The following SLC9A9 variants were observed in gnomAD, a reference collection of about 807,000 sequenced individuals.
SLC9A9 encodes sodium/hydrogen exchanger 9.
SLC9A9 carries 62 observed loss-of-function variants against 77.8 expected under a neutral mutation model. The observed-to-expected ratio is 0.80, with a 90% CI of 0.65 to 0.98. SLC9A9 has a LOEUF of 0.98. Ranked by LOEUF, SLC9A9 falls within the 50% of genes least tolerant of loss-of-function variation. SLC9A9 has a pLI of 0.00. For missense variants in SLC9A9, 775 were observed against 774.9 expected (o/e 1.00, Z 0.00); for synonymous variants, 320 against 283.5 (o/e 1.13, Z -1.29).
intron 14 of SLC9A9, among the ~76,000 whole-genome samples, chr3:143,344,879 G>T (rs1240955702): frequency 6.6e-6 from 1 of 152,002 alleles, no homozygotes; most frequent in Non-Finnish European, 1.5e-5. Flanking sequence ...GTGTTATGTA[G>T]TTCTTTAAAA....
chr3:143,309,278 C>G (rs1192845335), intron 14 of SLC9A9, among the ~76,000 whole-genome samples: 1 of 152,132 alleles, frequency 6.6e-6, no homozygotes, highest in Non-Finnish European at 1.5e-5. Context: ...ATGGGATAGG[C>G]AGATGGTAGG....
At chr3:143,734,972 T>G (rs2108812713) in intron 4 of SLC9A9, among the ~76,000 whole-genome samples, 1 of 152,290 alleles carries the variant, frequency 6.6e-6, no homozygotes, top group East Asian at 1.9e-4. Context: ...GCACTTTGAT[T>G]GAGATACATT....
At position 143,799,352 on chromosome 3, in the gene SLC9A9, C is replaced by T. The variant is rs150758703; in HGVS notation, c.379-2449G>A. Among the ~76,000 whole-genome samples, 1,159 of 152,274 alleles carry T rather than the reference C, an allele frequency of 7.6e-3. 44 individuals are homozygous for T. Among genetic ancestry groups the T allele is most frequent in the Admixed American group, 0.06 (913 of 15,292 alleles). On this transcript the variant is annotated intron_variant, in intron 2 of 15. Coordinates refer to ENST00000316549, the MANE Select transcript of SLC9A9 (RefSeq NM_173653.4). ...GAAAATTAAATTCCAGCTCTCACAC[C>T]CCACAACAGGACTTAATTAACCACG... is the stretch of plus-strand genomic sequence containing the variant.
At chr3:143,452,187 G>A (rs964846274) in intron 12 of SLC9A9, among the ~76,000 whole-genome samples, 86 of 151,946 alleles carry the variant, frequency 5.7e-4, no homozygotes, top group African/African-American at 2.0e-3. Flanking sequence ...AATTACAAAG[G>A]TAAAAATATA....
intron 14 of SLC9A9, among the ~76,000 whole-genome samples, chr3:143,333,170 G>T (rs2031826476): frequency 1.3e-5 from 2 of 152,014 alleles, no homozygotes; most frequent in Admixed American, 6.5e-5. Context: ...TTGCACAATT[G>T]TCCTGCCTAT....
intron 11 of SLC9A9, among the ~76,000 whole-genome samples, chr3:143,477,905 TC>T (rs987318981): frequency 6.6e-6 from 1 of 152,176 alleles, no homozygotes; most frequent in Non-Finnish European, 1.5e-5. Flanking sequence ...TCCTTCGGCT[TC>T]CCTAGGCAAA....
chr3:143,769,139 A>G (rs1224990985), intron 4 of SLC9A9, among the ~76,000 whole-genome samples: 2 of 152,196 alleles, frequency 1.3e-5, no homozygotes, highest in African/African-American at 4.8e-5. Flanking sequence ...GATACATAGT[A>G]TTATAGATAG....
intron 12 of SLC9A9, among the ~76,000 whole-genome samples, chr3:143,459,790 A>G (rs2035158604): frequency 6.6e-6 from 1 of 152,056 alleles, no homozygotes; most frequent in South Asian, 2.1e-4. Flanking sequence ...ATTTTCCCAC[A>G]GTGCTGCATA....
At chr3:143,398,116 A>T (rs1051708350) in intron 12 of SLC9A9, among the ~76,000 whole-genome samples, 2 of 152,074 alleles carry the variant, frequency 1.3e-5, no homozygotes, top group African/African-American at 4.8e-5. Flanking sequence ...CCACCACCTT[A>T]CCACCACATT....
intron 14 of SLC9A9, among the ~76,000 whole-genome samples, chr3:143,355,898 T>G (rs971027699): frequency 2.6e-5 from 4 of 152,226 alleles, no homozygotes; most frequent in African/African-American, 9.6e-5. Flanking sequence ...ACCTTCTGAT[T>G]TCTTATTTGT....
intron 11 of SLC9A9, among the ~76,000 whole-genome samples, chr3:143,492,287 G>C (rs1339837869): frequency 7.8e-6 from 1 of 128,010 alleles, no homozygotes; most frequent in African/African-American, 3.0e-5. Context: ...GCGAGACTCC[G>C]TCTCAAAAAA....
intron 4 of SLC9A9, among the ~76,000 whole-genome samples, chr3:143,702,240 A>G (rs930936778): frequency 6.6e-6 from 1 of 152,190 alleles, no homozygotes; most frequent in African/African-American, 2.4e-5. Context: ...CTCACTGGTA[A>G]TAGTAAGTAC....
chr3:143,524,806 T>C lies in SLC9A9; in HGVS notation c.1089+27556A>G, dbSNP rs146616525. ...ATGGATTAATGTCTATTTTTCAAGA[T>C]TGGGTTAGTTCTCATGAGAATACGT... On this transcript the variant is annotated intron_variant, in intron 9 of 15. Coordinates refer to ENST00000316549, the MANE Select transcript of SLC9A9 (RefSeq NM_173653.4). Among the ~76,000 whole-genome samples, 234 of 152,294 alleles carry C rather than the reference T, an allele frequency of 1.5e-3. 3 individuals carry two copies. The highest frequency in any genetic ancestry group is 5.3e-3 in the African/African-American group (221 of 41,556).
At chr3:143,695,500 G>A (rs1933609966) in intron 4 of SLC9A9, among the ~76,000 whole-genome samples, 1 of 152,074 alleles carries the variant, frequency 6.6e-6, no homozygotes, top group Non-Finnish European at 1.5e-5. Flanking sequence ...CCATGTCCCT[G>A]CAAGGGACAT....
intron 12 of SLC9A9, among the ~76,000 whole-genome samples, chr3:143,408,349 T>C (rs74431195): frequency 0.059 from 9,027 of 152,244 alleles, 405 homozygotes; most frequent in African/African-American, 0.12. Flanking sequence ...CCAAAGGCCC[T>C]AGGTTCTGCT....
chr3:143,656,815 G>GA (rs1410368928), intron 5 of SLC9A9, among the ~76,000 whole-genome samples: 1 of 152,172 alleles, frequency 6.6e-6, no homozygotes, highest in Admixed American at 6.5e-5. Flanking sequence ...AAAAACATCT[G>GA]AAGATTTTGC....
intron 14 of SLC9A9, among the ~76,000 whole-genome samples, chr3:143,350,808 A>T (rs150909459): frequency 1.1e-3 from 166 of 152,252 alleles, no homozygotes; most frequent in African/African-American, 3.4e-3. Context: ...CTTCAAACTC[A>T]TTGCTCTGTC....
chr3:143,348,242 G>C (rs151175392), intron 14 of SLC9A9, among the ~76,000 whole-genome samples: 1 of 152,058 alleles, frequency 6.6e-6, no homozygotes, highest in African/African-American at 2.4e-5. Flanking sequence ...TGATCCACCC[G>C]CCTTGGCCTC....
intron 1 of SLC9A9, among the ~76,000 whole-genome samples, chr3:143,836,846 G>A (rs1212038937): frequency 6.6e-6 from 1 of 152,100 alleles, no homozygotes; most frequent in Non-Finnish European, 1.5e-5. Flanking sequence ...ATATGATTTT[G>A]CCCTTAAAAT....
Sources: gnomAD v4.1 joint callset for allele counts (sites outside exome capture counted in the v4.1 genomes callset) on GRCh38, gnomAD v4.1.1 for gene constraint, MANE v1.5 for transcripts, NCBI Gene and HGNC (gene_info 2026-07-23, HGNC 2026-07-21) for gene names.